Variants in TNFRSF13B observed in about 807,000 individuals in gnomAD.
TNFRSF13B encodes the protein TNF receptor superfamily member 13B, also known as tumor necrosis factor receptor superfamily member 13B.
In TNFRSF13B, 34 loss-of-function variants were observed where a neutral mutation model predicts 24.0. That is an observed-to-expected ratio of 1.41 (90% CI 1.08 to 1.88). TNFRSF13B has a LOEUF of 1.88. TNFRSF13B is among the 40% of genes most tolerant of loss of function. TNFRSF13B has a pLI of 0.00. For missense variants in TNFRSF13B, 415 were observed against 380.8 expected (o/e 1.09, Z -0.75); for synonymous variants, 173 against 150.3 (o/e 1.15, Z -1.10).
chr17:16,945,468 C>A (rs2087541307), intron 3 of TNFRSF13B, among the ~76,000 whole-genome samples: 1 of 152,256 alleles, frequency 6.6e-6, no homozygotes, highest in African/African-American at 2.4e-5. Context: ...CTCACTCACG[C>A]ATTCCCTGTG....
chr17:16,951,483 G>T (rs1044675997), intron 2 of TNFRSF13B, among the ~76,000 whole-genome samples: 2 of 152,244 alleles, frequency 1.3e-5, no homozygotes, highest in South Asian at 2.1e-4. Flanking sequence ...AGTATTAGAT[G>T]ATGTTAATAA....
intron 4 of TNFRSF13B, 68 bp from the exon 5 acceptor site, chr17:16,939,865 G>A: frequency 2.6e-6 from 4 of 1,519,114 alleles, no homozygotes; most frequent in Non-Finnish European, 3.5e-6. Flanking sequence ...TGACGGTGTG[G>A]GCAGCCGCAC....
intron 1 of TNFRSF13B, among the ~76,000 whole-genome samples, chr17:16,957,241 C>T (rs895830014): frequency 6.8e-6 from 1 of 148,036 alleles, no homozygotes; most frequent in Non-Finnish European, 1.5e-5. Flanking sequence ...AAGTGAAATA[C>T]GAACCTTAAT....
intron 1 of TNFRSF13B, among the ~76,000 whole-genome samples, chr17:16,964,785 C>G (rs117028483): frequency 6.6e-6 from 1 of 152,184 alleles, no homozygotes; most frequent in Non-Finnish European, 1.5e-5. Context: ...ATGTTGAAAA[C>G]GGATTCGCCA....
intron 1 of TNFRSF13B, among the ~76,000 whole-genome samples, chr17:16,955,526 G>GATTATGGATGGAAAT: frequency 6.6e-6 from 1 of 152,192 alleles, no homozygotes; most frequent in South Asian, 2.1e-4. Flanking sequence ...ACAAAAGATA[G>GATTATGGATGGAAAT]GAGATTATGG....
chr17:16,967,285 G>A lies in TNFRSF13B; in HGVS notation c.61+4730C>T, dbSNP rs151295903. ...GTAATGAGGAAGCTCTCTGTATGTTGCTGTGGAAAGAACAGCAAGGCATAT... is the reference window on the plus strand; with the variant it reads ...GTAATGAGGAAGCTCTCTGTATGTTACTGTGGAAAGAACAGCAAGGCATAT... On this transcript the variant is annotated intron_variant, in intron 1 of 4. Transcript: ENST00000261652. Among the ~76,000 whole-genome samples, 18 of 152,246 alleles carry A rather than the reference G, an allele frequency of 1.2e-4. No homozygotes were observed. In the East Asian group the frequency reaches 2.7e-3, roughly 23 times the overall value.
chr17:16,941,852 A>C (rs2087512474), intron 3 of TNFRSF13B, among the ~76,000 whole-genome samples: 1 of 152,178 alleles, frequency 6.6e-6, no homozygotes, highest in African/African-American at 2.4e-5. Context: ...ATATTAATGA[A>C]ATCATACAAC....
chr17:16,940,389 C>G lies in TNFRSF13B; in HGVS notation c.568G>C (p.Gly190Arg), dbSNP rs150101848. 1.8e-4 allele frequency: 298 copies of G among 1,614,064 alleles called. 2 individuals are homozygous for G. The African/African-American group carries it at 3.7e-3, about 20-fold the overall frequency. Residue 190 changes from glycine to arginine, a missense_variant, in exon 4 of 5, where the codon GGG becomes CGG. Coordinates refer to ENST00000261652, the MANE Select transcript of TNFRSF13B (RefSeq NM_012452.3). ...VAVACFLKKR[G>R]DPCSCQPRSR... is the part of the protein sequence containing the mutation. ...CGGGGCTGGCAGGAGCAGGGATCCC[C>G]CCTCTTCTTGAGGAAGCAGGCCACC...
intron 1 of TNFRSF13B, among the ~76,000 whole-genome samples, chr17:16,963,038 G>C (rs899428138): frequency 2.6e-5 from 4 of 152,186 alleles, no homozygotes; most frequent in African/African-American, 9.7e-5. Flanking sequence ...AGCCCTGCTT[G>C]GAACCCTGGG....
intron 1 of TNFRSF13B, among the ~76,000 whole-genome samples, chr17:16,967,751 CAAAAA>C (rs975103327): frequency 1.2e-4 from 3 of 24,500 alleles, no homozygotes; most frequent in Admixed American, 1.0e-3. Flanking sequence ...GACTCCGTCT[CAAAAA>C]AAAAAAAAAA....
At chr17:16,960,037 G>A (rs1202650624) in intron 1 of TNFRSF13B, among the ~76,000 whole-genome samples, 1 of 152,048 alleles carries the variant, frequency 6.6e-6, no homozygotes, top group Non-Finnish European at 1.5e-5. Context: ...ACACGAATAT[G>A]TCTTATGTAT....
chr17:16,961,753 A>G (rs568891522), intron 1 of TNFRSF13B, among the ~76,000 whole-genome samples: 15 of 152,392 alleles, frequency 9.8e-5, no homozygotes, highest in African/African-American at 3.6e-4. Flanking sequence ...AAGTGGAAGT[A>G]GAAAGCAGAA....
intron 1 of TNFRSF13B, among the ~76,000 whole-genome samples, chr17:16,960,494 C>T (rs557607545): frequency 6.6e-6 from 1 of 152,206 alleles, no homozygotes. Flanking sequence ...AAAACCCTAA[C>T]AATTCCATTC....
At chr17:16,949,060 A>G in intron 2 of TNFRSF13B, 77 bp from the exon 3 acceptor site, 4 of 1,589,028 alleles carry the variant, frequency 2.5e-6, no homozygotes, top group Admixed American at 1.7e-5. Context: ...AAAGGACATC[A>G]AAGTTAAAAA....
intron 3 of TNFRSF13B, among the ~76,000 whole-genome samples, chr17:16,946,576 T>TA (rs1555549062): frequency 3.0e-5 from 4 of 135,246 alleles, no homozygotes; most frequent in African/African-American, 8.0e-5. Flanking sequence ...TTATTTTTAT[T>TA]TTTATTTATT....
chr17:16,967,973 T>TAA (rs147685119), intron 1 of TNFRSF13B, among the ~76,000 whole-genome samples: 3 of 145,608 alleles, frequency 2.1e-5, no homozygotes, highest in African/African-American at 7.6e-5. Flanking sequence ...GCATCTCTAC[T>TAA]AAAAAAAAAT....
chr17:16,949,804 G>A (rs577109951), intron 2 of TNFRSF13B, among the ~76,000 whole-genome samples: 2 of 151,686 alleles, frequency 1.3e-5, no homozygotes, highest in Non-Finnish European at 2.9e-5. Flanking sequence ...TCCTGCCTCA[G>A]CCTCCCGAGT....
At chr17:16,943,966 C>T (rs1319248432) in intron 3 of TNFRSF13B, among the ~76,000 whole-genome samples, 1 of 152,192 alleles carries the variant, frequency 6.6e-6, no homozygotes, top group Non-Finnish European at 1.5e-5. Context: ...CCAGTCTCCT[C>T]TCCTGCTCAA....
intron 1 of TNFRSF13B, among the ~76,000 whole-genome samples, chr17:16,952,836 A>G (rs1379333254): frequency 1.3e-5 from 2 of 152,210 alleles, no homozygotes; most frequent in Admixed American, 6.5e-5. Flanking sequence ...GCTCTCTCAC[A>G]TCAGCAGTGC....
Sources: gnomAD v4.1 joint callset for allele counts (sites outside exome capture counted in the v4.1 genomes callset) on GRCh38, gnomAD v4.1.1 for gene constraint, MANE v1.5 for transcripts, NCBI Gene and HGNC (gene_info 2026-07-23, HGNC 2026-07-21) for gene names.